SLC4A7: variants seen among roughly 807,000 people sequenced by gnomAD.
SLC4A7 encodes the protein sodium bicarbonate cotransporter 3.
In SLC4A7, 51 loss-of-function variants were observed where a neutral mutation model predicts 137.6. The observed-to-expected ratio is 0.37, with a 90% CI of 0.30 to 0.47. The LOEUF is 0.47. SLC4A7 is among the 20% of genes least tolerant of loss of function. SLC4A7 has a pLI of 1.00. For missense variants in SLC4A7, 1,247 were observed against 1,525.4 expected (o/e 0.82, Z 3.04); for synonymous variants, 542 against 518.6 (o/e 1.05, Z -0.61).
At chr3:27,445,880 T>C (rs1175536167) in intron 3 of SLC4A7, among the ~76,000 whole-genome samples, 1 of 127,156 alleles carries the variant, frequency 7.9e-6, no homozygotes, top group African/African-American at 3.1e-5. Context: ...TGCAGTGAGC[T>C]GAGATCGTGC....
At chr3:27,466,467 A>G (rs963864813) in intron 1 of SLC4A7, among the ~76,000 whole-genome samples, 3 of 149,932 alleles carry the variant, frequency 2.0e-5, no homozygotes, top group Non-Finnish European at 1.5e-5. Flanking sequence ...AAAAAGAAAA[A>G]GAAAAGGGGG....
chr3:27,484,276 A>G lies in SLC4A7; in HGVS notation c.-150T>C. On this transcript the variant is annotated 5_prime_UTR_variant, in exon 1 of 26. Transcript: ENST00000454389. ...GCGCGAGGTGTGCGCGCGTGGGGAG[A>G]GCCGGGCGCCGGGCGCGGGAGACGC... The G allele has an allele frequency of 1.8e-6, 1 of 548,040 alleles. No individual in the cohort carries two copies. The highest frequency in any genetic ancestry group is 2.7e-6 in the Non-Finnish European group (1 of 373,744). The allele number at this position is 548,040 out of a possible 1,614,324, so 33.9% of individuals were successfully genotyped here. A position where few individuals can be genotyped will look rare whatever the true frequency, so the allele number is the denominator to read the frequency against.
intron 25 of SLC4A7, among the ~76,000 whole-genome samples, chr3:27,377,259 T>G (rs773725166): frequency 5.3e-5 from 8 of 152,132 alleles, no homozygotes; most frequent in Non-Finnish European, 8.8e-5. Flanking sequence ...GGTTATAAAT[T>G]TATAAAACTT....
chr3:27,451,004 T>A (rs1407787843), intron 2 of SLC4A7, among the ~76,000 whole-genome samples: 1 of 152,048 alleles, frequency 6.6e-6, no homozygotes, highest in Non-Finnish European at 1.5e-5. Flanking sequence ...TACATTTGAA[T>A]TAGTAAAATT....
intron 19 of SLC4A7, 32 bp downstream of exon 19, chr3:27,394,922 T>A: frequency 6.4e-7 from 1 of 1,566,916 alleles, no homozygotes; most frequent in South Asian, 1.2e-5. Flanking sequence ...CCTTGAAGAA[T>A]CACAATGCTT....
intron 11 of SLC4A7, among the ~76,000 whole-genome samples, chr3:27,413,601 T>C (rs1049035559): frequency 1.3e-5 from 2 of 152,160 alleles, no homozygotes; most frequent in Non-Finnish European, 2.9e-5. Context: ...AATTGATAAA[T>C]AAAATTAATA....
intron 1 of SLC4A7, among the ~76,000 whole-genome samples, chr3:27,473,184 A>G (rs1414955316): frequency 6.6e-6 from 1 of 152,124 alleles, no homozygotes; most frequent in East Asian, 1.9e-4. Context: ...CATTAGTCTC[A>G]GCTACTTAGG....
Position 27,394,980 on chromosome 3 carries a change from T to A in SLC4A7, c.2839A>T (p.Ile947Leu). 2 of 1,597,886 alleles carry A rather than the reference T, an allele frequency of 1.3e-6. No individual in the cohort carries two copies. Among genetic ancestry groups the A allele is most frequent in the Non-Finnish European group, 1.7e-6 (2 of 1,175,952 alleles). Residue 947 changes from isoleucine to leucine, a missense_variant, in exon 19 of 26, where the codon ATA becomes TTA. Ile to Leu is a conservative substitution (Grantham distance 5). This residue lies in a region of SLC4A7 where 48 missense variants were observed against 97.2 expected (regional missense o/e 0.49). Transcript: ENST00000454389. ...TTCAATTTGTGTTCCTTTCTGTTTATAATTACAGCTGTGATTTGTTGATCC... is the reference window on the plus strand; with the variant it reads ...TTCAATTTGTGTTCCTTTCTGTTTAAAATTACAGCTGTGATTTGTTGATCC... ...FMDQQITAVI[I>L]NRKEHKLKKG...
At chr3:27,404,683 G>C in intron 14 of SLC4A7, 147 bp downstream of exon 14, 2 of 605,850 alleles carry the variant, frequency 3.3e-6, no homozygotes, top group Non-Finnish European at 5.6e-6. Context: ...GAAGGGGCCA[G>C]AGGATGGTCA....
chr3:27,468,834 G>A (rs1223341419), intron 1 of SLC4A7, among the ~76,000 whole-genome samples: 4 of 152,142 alleles, frequency 2.6e-5, no homozygotes, highest in African/African-American at 9.7e-5. Flanking sequence ...GGAGTGGGGC[G>A]TGATGGCTCA....
chr3:27,422,188 C>T (rs924081330), intron 8 of SLC4A7, among the ~76,000 whole-genome samples: 1 of 151,924 alleles, frequency 6.6e-6, no homozygotes, highest in Non-Finnish European at 1.5e-5. Context: ...ATGTAAAGTC[C>T]CCCTAAAAAC....
intron 18 of SLC4A7, among the ~76,000 whole-genome samples, chr3:27,395,356 C>T (rs2052039113): frequency 6.6e-6 from 1 of 152,150 alleles, no homozygotes; most frequent in Non-Finnish European, 1.5e-5. Flanking sequence ...TGCCTCCTTC[C>T]CCCCTGAAAC....
intron 7 of SLC4A7, 80 bp from the exon 8 acceptor site, chr3:27,424,232 T>C (rs1474706013): frequency 7.2e-6 from 5 of 696,058 alleles, no homozygotes; most frequent in Non-Finnish European, 7.4e-6. Context: ...CTGAAAGTGA[T>C]GATTTATGAA....
intron 7 of SLC4A7, among the ~76,000 whole-genome samples, chr3:27,425,738 C>A (rs1377084632): frequency 7.0e-6 from 1 of 143,382 alleles, no homozygotes; most frequent in Non-Finnish European, 1.5e-5. Context: ...CAGATTTCTA[C>A]TACTAGGTTG....
intron 7 of SLC4A7, among the ~76,000 whole-genome samples, chr3:27,424,835 A>G (rs773104653): frequency 1.4e-4 from 22 of 152,224 alleles, no homozygotes; most frequent in Non-Finnish European, 1.6e-4. Flanking sequence ...CTTTGTATCT[A>G]TGTGACTGTA....
chr3:27,397,638 G>A (rs368651383), intron 18 of SLC4A7, 46 bp downstream of exon 18: 4 of 876,802 alleles, frequency 4.6e-6, no homozygotes, highest in Non-Finnish European at 7.7e-6. Flanking sequence ...CTTTAAAGTA[G>A]TGTGGTATTC....
chr3:27,382,047 A>G (rs529452136), intron 24 of SLC4A7, among the ~76,000 whole-genome samples: 1 of 152,324 alleles, frequency 6.6e-6, no homozygotes, highest in East Asian at 1.9e-4. Context: ...AGCCTGGGGA[A>G]CAAGAATGAG....
chr3:27,479,154 C>A (rs2059604612), intron 1 of SLC4A7, among the ~76,000 whole-genome samples: 1 of 152,212 alleles, frequency 6.6e-6, no homozygotes, highest in Admixed American at 6.5e-5. Flanking sequence ...GCGGCTCACG[C>A]CTGTAATCCC....
At chr3:27,441,885 CTCTTA>C (rs1260622147) in intron 3 of SLC4A7, among the ~76,000 whole-genome samples, 3 of 151,510 alleles carry the variant, frequency 2.0e-5, no homozygotes, top group Non-Finnish European at 4.4e-5. Context: ...CCATAATATT[CTCTTA>C]TTAGTTTGAC....
Sources: allele counts gnomAD v4.1 joint callset (sites outside exome capture counted in the v4.1 genomes callset), GRCh38; gene constraint gnomAD v4.1.1; regional missense constraint gnomAD v4.1.1; transcripts MANE v1.5; gene names NCBI Gene and HGNC (gene_info 2026-07-23, HGNC 2026-07-21).